SEPTIN7: variants seen among roughly 807,000 people sequenced by gnomAD.
SEPTIN7 encodes septin-7.
SEPTIN7 carries 10 observed loss-of-function variants against 63.3 expected under a neutral mutation model. That is an observed-to-expected ratio of 0.16 (90% CI 0.10 to 0.27). The LOEUF is 0.27. Ranked by LOEUF, SEPTIN7 falls within the 10% of genes least tolerant of loss-of-function variation. The pLI, the probability that SEPTIN7 is intolerant of heterozygous loss-of-function variation, is 1.00. For missense variants in SEPTIN7, 310 were observed against 521.0 expected (o/e 0.59, Z 3.94); for synonymous variants, 131 against 165.3 (o/e 0.79, Z 1.59).
chr7:35,858,127 TAG>T (rs946912711), intron 3 of SEPTIN7, among the ~76,000 whole-genome samples: 5 of 151,932 alleles, frequency 3.3e-5, no homozygotes, highest in African/African-American at 1.2e-4. Flanking sequence ...GTATTTTTAA[TAG>T]AGACAGGGTT....
intron 3 of SEPTIN7, 146 bp from the exon 4 acceptor site, chr7:35,863,406 A>G: frequency 1.8e-6 from 1 of 568,568 alleles, no homozygotes; most frequent in Non-Finnish European, 3.1e-6. Flanking sequence ...CAAGATACTT[A>G]TTCTCTGTAG....
chr7:35,816,067 T>TA (rs1007769230), intron 1 of SEPTIN7, among the ~76,000 whole-genome samples: 1 of 152,218 alleles, frequency 6.6e-6, no homozygotes, highest in African/African-American at 2.4e-5. Context: ...TGCTTGTTTT[T>TA]ATCACAGATT....
chr7:35,867,875 T>G (rs957634154), intron 4 of SEPTIN7, among the ~76,000 whole-genome samples: 23 of 152,098 alleles, frequency 1.5e-4, no homozygotes, highest in Non-Finnish European at 3.2e-4. Flanking sequence ...TGAAGTGTTT[T>G]TTTTTTTTCT....
chr7:35,914,288 A>G, the SEPTIN7 span, among the ~76,000 whole-genome samples: 2 of 152,228 alleles, frequency 1.3e-5, no homozygotes, highest in Non-Finnish European at 2.9e-5. Context: ...TAAATATCTC[A>G]TGGCTAGGCC....
chr7:35,908,337 A>G (rs1266949407), downstream of SEPTIN7, among the ~76,000 whole-genome samples: 4 of 152,210 alleles, frequency 2.6e-5, no homozygotes, highest in African/African-American at 9.6e-5. Flanking sequence ...TGAAAGCTTC[A>G]TGGGAAGAAT....
intron 3 of SEPTIN7, 81 bp downstream of exon 3, chr7:35,832,981 A>G: frequency 1.2e-6 from 1 of 802,228 alleles, no homozygotes; most frequent in Non-Finnish European, 2.2e-6. Flanking sequence ...TTAAGAAAAC[A>G]CTGGCACAGA....
At chr7:35,896,026 GT>G (rs1562587806) in intron 11 of SEPTIN7, among the ~76,000 whole-genome samples, 2 of 152,274 alleles carry the variant, frequency 1.3e-5, no homozygotes, top group African/African-American at 4.8e-5. Flanking sequence ...GGCCACGCTG[GT>G]TTCAAACTCG....
chr7:35,888,022 A>T (rs760126111), intron 10 of SEPTIN7, among the ~76,000 whole-genome samples: 1 of 152,214 alleles, frequency 6.6e-6, no homozygotes, highest in Non-Finnish European at 1.5e-5. Context: ...TAAGAGAACT[A>T]ACTTACTCCA....
At chr7:35,880,478 G>A (rs1046171750) in intron 7 of SEPTIN7, among the ~76,000 whole-genome samples, 9 of 151,150 alleles carry the variant, frequency 6.0e-5, no homozygotes, top group South Asian at 2.1e-4. Flanking sequence ...TTATTTTCCC[G>A]AAAGGCTGAA....
intron 1 of SEPTIN7, among the ~76,000 whole-genome samples, chr7:35,823,573 A>T (rs1343397205): frequency 6.6e-6 from 1 of 152,138 alleles, no homozygotes; most frequent in Non-Finnish European, 1.5e-5. Context: ...TCACTGAATT[A>T]CTTCATCTGT....
intron 3 of SEPTIN7, among the ~76,000 whole-genome samples, chr7:35,840,773 A>T (rs914616431): frequency 2.0e-5 from 3 of 152,188 alleles, no homozygotes; most frequent in Non-Finnish European, 4.4e-5. Context: ...GTAGAGGAGG[A>T]AAACAGTATA....
In SEPTIN7 at chr7:35,902,686, G is replaced by T. The variant is rs555528535; in HGVS notation, c.1135-390G>T. On this transcript the variant is annotated intron_variant, in intron 12 of 13. Transcript: ENST00000350320. ...TCCACTTTCTGGCTAGCAATCTTGG[G>T]CAAGTCACTTAAATTCTGCAACTGT... The T allele has an allele frequency of 1.2e-4, 18 of 154,844 alleles. 2 individuals are homozygous for T. Among genetic ancestry groups the T allele is most frequent in the Middle Eastern group, 6.5e-3 (2 of 308 alleles). 9.6% of individuals were successfully genotyped at this position (154,844 alleles called of 1,614,324 possible). A position where few individuals can be genotyped will look rare whatever the true frequency, so the allele number is the denominator to read the frequency against.
chr7:35,840,246 C>G (rs1379499485), intron 3 of SEPTIN7, among the ~76,000 whole-genome samples: 4 of 119,092 alleles, frequency 3.4e-5, no homozygotes, highest in African/African-American at 1.3e-4. Context: ...CTCCCCTTCC[C>G]CTTCCCCTTC....
intron 1 of SEPTIN7, chr7:35,803,117 A>G (rs1788104803): frequency 3.2e-6 from 3 of 946,414 alleles, no homozygotes; most frequent in African/African-American, 1.8e-5. Flanking sequence ...CTTTAAAAAG[A>G]AAGGATATTG....
At position 35,904,653 on chromosome 7, in the gene SEPTIN7, AG is replaced by A. The variant is rs1293127990; in HGVS notation, c.*362del. 6.0e-6 allele frequency: 1 copy of A among 167,354 alleles called. No homozygotes were observed. Among genetic ancestry groups the A allele is most frequent in the Non-Finnish European group, 1.3e-5 (1 of 78,214 alleles). The allele number at this position is 167,354 out of a possible 1,614,324, so 10.4% of individuals were successfully genotyped here. A position where few individuals can be genotyped will look rare whatever the true frequency, so the allele number is the denominator to read the frequency against. On this transcript the variant is annotated 3_prime_UTR_variant, in exon 14 of 14. Transcript: ENST00000350320. ...AAAGGACTCTGGAAGATTTTCATTGAGGATAAATTGCCATAATATGATGCAA... is the reference window on the plus strand; with the variant it reads ...AAAGGACTCTGGAAGATTTTCATTGAGATAAATTGCCATAATATGATGCAA...
chr7:35,822,375 A>C (rs564528757), intron 1 of SEPTIN7, among the ~76,000 whole-genome samples: 65 of 152,016 alleles, frequency 4.3e-4, no homozygotes, highest in Non-Finnish European at 2.2e-4. Context: ...TACTTATTTT[A>C]TTTTTTTCTT....
intron 3 of SEPTIN7, among the ~76,000 whole-genome samples, chr7:35,842,361 C>G (rs1202483122): frequency 7.0e-6 from 1 of 142,868 alleles, no homozygotes; most frequent in Non-Finnish European, 1.5e-5. Context: ...AAAAAAAAAA[C>G]CCTCATTTTA....
intron 6 of SEPTIN7, 166 bp downstream of exon 6, chr7:35,873,941 C>A: frequency 1.7e-6 from 1 of 590,496 alleles, no homozygotes; most frequent in Non-Finnish European, 2.9e-6. Flanking sequence ...CATTTTAAGT[C>A]CTATATAAGC....
chr7:35,822,322 A>G (rs1255832379), intron 1 of SEPTIN7, among the ~76,000 whole-genome samples: 1 of 152,168 alleles, frequency 6.6e-6, no homozygotes, highest in African/African-American at 2.4e-5. Context: ...TCGGACTCCC[A>G]AAGTGCTAGG....
Sources: allele counts gnomAD v4.1 joint callset (sites outside exome capture counted in the v4.1 genomes callset), GRCh38; gene constraint gnomAD v4.1.1; transcripts MANE v1.5; gene names NCBI Gene and HGNC (gene_info 2026-07-23, HGNC 2026-07-21).